The following TAFA1 variants were observed in gnomAD, a reference collection of about 807,000 sequenced individuals.
TAFA1 encodes TAFA chemokine like family member 1, also known as chemokine-like protein TAFA-1.
In TAFA1, 4 loss-of-function variants were observed where a neutral mutation model predicts 18.5. The observed-to-expected ratio is 0.22, with a 90% CI of 0.11 to 0.49. The LOEUF (loss-of-function observed/expected upper bound fraction) is 0.49, where lower values mean the gene tolerates loss of function less well. Ranked by LOEUF, TAFA1 falls within the 20% of genes least tolerant of loss-of-function variation. The probability of loss-of-function intolerance (pLI) is 0.98; values close to 1 mark genes in which losing one functional copy is unlikely to be tolerated. For synonymous variants in TAFA1, 56 were observed against 55.2 expected, an observed-to-expected ratio of 1.01 and a Z score of -0.06; for missense variants, 147 against 169.0, an observed-to-expected ratio of 0.87 and a Z score of 0.72.
intron 2 of TAFA1, among the ~76,000 whole-genome samples, chr3:68,393,690 G>C (rs112631568): frequency 6.6e-6 from 1 of 152,080 alleles, no homozygotes; most frequent in African/African-American, 2.4e-5. Context: ...TCATCCCGAG[G>C]ATGCAAAGCT....
intron 4 of TAFA1, among the ~76,000 whole-genome samples, chr3:68,543,130 A>G (rs1424123119): frequency 6.6e-6 from 1 of 152,168 alleles, no homozygotes; most frequent in Non-Finnish European, 1.5e-5. Context: ...AATGAGAGGC[A>G]GGTTTGCCTG....
intron 2 of TAFA1, among the ~76,000 whole-genome samples, chr3:68,009,779 T>C (rs1704434621): frequency 6.6e-6 from 1 of 152,190 alleles, no homozygotes; most frequent in South Asian, 2.1e-4. Flanking sequence ...AATAAAAATA[T>C]GCTTTTATTT....
intron 3 of TAFA1, among the ~76,000 whole-genome samples, chr3:68,422,682 A>G (rs1450932137): frequency 6.6e-6 from 1 of 152,134 alleles, no homozygotes; most frequent in Non-Finnish European, 1.5e-5. Context: ...TTTTATTTCA[A>G]AAATGATATT....
intron 2 of TAFA1, among the ~76,000 whole-genome samples, chr3:68,407,627 A>G (rs1420245463): frequency 3.3e-5 from 5 of 152,114 alleles, no homozygotes; most frequent in African/African-American, 1.2e-4. Flanking sequence ...AACCCTGTAA[A>G]GTTGATGCTG....
intron 2 of TAFA1, among the ~76,000 whole-genome samples, chr3:68,393,242 A>T (rs1362285456): frequency 6.6e-6 from 1 of 152,188 alleles, no homozygotes; most frequent in East Asian, 1.9e-4. Flanking sequence ...ACACAAATAA[A>T]CTGGAAAATC....
At chr3:68,207,646 C>G (rs1043271772) in intron 2 of TAFA1, among the ~76,000 whole-genome samples, 11 of 151,930 alleles carry the variant, frequency 7.2e-5, no homozygotes, top group Admixed American at 3.3e-4. Context: ...CATTGACACA[C>G]AGTTTGTTGT....
chr3:68,389,293 T>C (rs571894749), intron 2 of TAFA1, among the ~76,000 whole-genome samples: 7 of 152,202 alleles, frequency 4.6e-5, no homozygotes, highest in Non-Finnish European at 8.8e-5. Context: ...GAGGAAACAC[T>C]GGCCATACAC....
chr3:68,371,315 C>T (rs947586776), intron 2 of TAFA1, among the ~76,000 whole-genome samples: 3 of 152,094 alleles, frequency 2.0e-5, no homozygotes, highest in Middle Eastern at 3.4e-3. Flanking sequence ...ACCTGTCAAC[C>T]TGTCATCTAG....
At chr3:68,133,411 A>T (rs144460367) in intron 2 of TAFA1, among the ~76,000 whole-genome samples, 8 of 152,202 alleles carry the variant, frequency 5.3e-5, no homozygotes, top group African/African-American at 1.9e-4. Context: ...AAGAAAGTCA[A>T]TGGTAGCTTG....
intron 2 of TAFA1, among the ~76,000 whole-genome samples, chr3:68,391,361 AT>A (rs2070241841): frequency 6.6e-6 from 1 of 152,174 alleles, no homozygotes; most frequent in Non-Finnish European, 1.5e-5. Context: ...ACATGGGACT[AT>A]GTGAAAAGAC....
intron 3 of TAFA1, among the ~76,000 whole-genome samples, chr3:68,522,058 G>T (rs2073035617): frequency 1.3e-5 from 2 of 151,296 alleles, no homozygotes; most frequent in Middle Eastern, 6.8e-3. Flanking sequence ...TGTTGCTCAG[G>T]GTGGTCTCCA....
At chr3:68,359,855 T>A (rs1188905828) in intron 2 of TAFA1, among the ~76,000 whole-genome samples, 1 of 151,948 alleles carries the variant, frequency 6.6e-6, no homozygotes, top group African/African-American at 2.4e-5. Flanking sequence ...CTTTTCTAGT[T>A]TTATAAGGAA....
chr3:68,014,237 C>T (rs977649300), intron 2 of TAFA1, among the ~76,000 whole-genome samples: 1 of 152,186 alleles, frequency 6.6e-6, no homozygotes, highest in Non-Finnish European at 1.5e-5. Context: ...GGGGGTAAAG[C>T]ACCTCAGTGT....
intron 2 of TAFA1, among the ~76,000 whole-genome samples, chr3:68,082,276 C>T (rs1419554930): frequency 2.6e-5 from 4 of 152,192 alleles, no homozygotes; most frequent in African/African-American, 4.8e-5. Context: ...CCATCTTGTG[C>T]GTCGCTCACG....
At chr3:68,383,847 A>G (rs1206117234) in intron 2 of TAFA1, among the ~76,000 whole-genome samples, 1 of 152,084 alleles carries the variant, frequency 6.6e-6, no homozygotes, top group Non-Finnish European at 1.5e-5. Flanking sequence ...TTACTGATTT[A>G]ATTCAGAGCT....
At chr3:68,277,483 G>A (rs2067818136) in intron 2 of TAFA1, among the ~76,000 whole-genome samples, 1 of 152,066 alleles carries the variant, frequency 6.6e-6, no homozygotes, top group African/African-American at 2.4e-5. Context: ...ACTGGAAAAG[G>A]GGGAAAAGCC....
At chr3:68,391,663 C>G (rs2070251700) in intron 2 of TAFA1, among the ~76,000 whole-genome samples, 2 of 152,304 alleles carry the variant, frequency 1.3e-5, no homozygotes, top group South Asian at 2.1e-4. Flanking sequence ...GTGGATCTCT[C>G]TGCAGAAACC....
chr3:68,276,773 T>A (rs1379822953), intron 2 of TAFA1, among the ~76,000 whole-genome samples: 1 of 152,098 alleles, frequency 6.6e-6, no homozygotes, highest in East Asian at 1.9e-4. Flanking sequence ...TTTATCAGGA[T>A]TTTATGCTAT....
intron 2 of TAFA1, among the ~76,000 whole-genome samples, chr3:68,062,937 T>A (rs1428740469): frequency 6.6e-6 from 1 of 152,178 alleles, no homozygotes; most frequent in Non-Finnish European, 1.5e-5. Flanking sequence ...TCAGTGGCAG[T>A]CTTAAGTCTG....
Sources: gnomAD v4.1 joint callset for allele counts (sites outside exome capture counted in the v4.1 genomes callset) on GRCh38, gnomAD v4.1.1 for gene constraint, MANE v1.5 for transcripts, NCBI Gene and HGNC (gene_info 2026-07-23, HGNC 2026-07-21) for gene names.